Variants in PKP4 observed in about 807,000 individuals in gnomAD.
PKP4 encodes plakophilin 4.
A neutral mutation model predicts 145.1 loss-of-function variants in PKP4; 90 were observed. The ratio of observed to expected loss-of-function variants is 0.62; its 90% CI spans 0.52 to 0.74. The LOEUF (loss-of-function observed/expected upper bound fraction) is 0.74. Among genes scored for constraint, PKP4 ranks in the 30% least tolerant of loss-of-function variants. PKP4 has a pLI of 0.00. For synonymous variants in PKP4, 563 were observed against 577.2 expected (o/e 0.98, Z 0.35); for missense variants, 1,340 against 1,482.7 (o/e 0.90, Z 1.58).
chr2:158,526,334 G>A (rs769383631), intron 1 of PKP4, among the ~76,000 whole-genome samples: 15 of 129,640 alleles, frequency 1.2e-4, no homozygotes, highest in Admixed American at 6.7e-4. Context: ...TTCAATATAC[G>A]CAAATCAATA....
intron 1 of PKP4, among the ~76,000 whole-genome samples, chr2:158,470,505 G>A (rs547217273): frequency 2.0e-5 from 3 of 152,234 alleles, no homozygotes; most frequent in Non-Finnish European, 2.9e-5. Context: ...GAAAGAAAGC[G>A]CAGAGATCCT....
chr2:158,538,997 T>G (rs1476098247), intron 2 of PKP4, among the ~76,000 whole-genome samples: 1 of 152,198 alleles, frequency 6.6e-6, no homozygotes, highest in Admixed American at 6.5e-5. Context: ...TCTGGTGAGG[T>G]CTCAAGTTAG....
rs959175937 is a variant in PKP4 at position 158,602,569 on chromosome 2, T to C, written c.246-501T>C. 2.6e-5 allele frequency among the ~76,000 whole-genome samples: 4 copies of C among 152,352 alleles called. No homozygotes were observed. In the South Asian group the frequency reaches 6.2e-4, roughly 24 times the overall value. On this transcript the variant is annotated intron_variant, in intron 3 of 21. Coordinates refer to ENST00000389759, the MANE Select transcript of PKP4 (RefSeq NM_003628.6). ...AAAATACATAGCTGTCACTTTATCC[T>C]GGCTTATAGGACCTTATATTTTTGA... is the stretch of plus-strand genomic sequence containing the variant.
intron 3 of PKP4, among the ~76,000 whole-genome samples, chr2:158,598,995 T>TTAGA (rs2050003823): frequency 6.6e-6 from 1 of 152,094 alleles, no homozygotes; most frequent in Non-Finnish European, 1.5e-5. Flanking sequence ...CTGCAAGCAG[T>TTAGA]TAGAAATGCT....
chr2:158,527,239 T>C (rs75264832), intron 1 of PKP4, among the ~76,000 whole-genome samples: 54,236 of 139,662 alleles, frequency 0.39, 11,411 homozygotes, highest in East Asian at 0.67. Flanking sequence ...CAAACTATAC[T>C]ACAAGGCTAC....
intron 11 of PKP4, among the ~76,000 whole-genome samples, chr2:158,649,858 G>T (rs1034670987): frequency 6.6e-6 from 1 of 152,216 alleles, no homozygotes; most frequent in Non-Finnish European, 1.5e-5. Context: ...CAAATGCTTT[G>T]CAGTTTCTGA....
rs188698001 is a variant in PKP4, at chr2:158,563,423, G to A, written c.133-13848G>A. The stretch of plus-strand genomic sequence containing the variant: ...ATACATCAAGAAAAAATTTATTTCT[G>A]CATATTCTAGCATAGATGTCTTTTT... On this transcript the variant is annotated intron_variant, in intron 2 of 21. Coordinates refer to ENST00000389759, the MANE Select transcript of PKP4 (RefSeq NM_003628.6). 2.7e-3 allele frequency among the ~76,000 whole-genome samples: 404 copies of A among 152,134 alleles called. 2 individuals carry two copies. Among genetic ancestry groups the A allele is most frequent in the African/African-American group, 9.5e-3 (394 of 41,524 alleles).
At chr2:158,602,758 A>C (rs1021369371) in intron 3 of PKP4, among the ~76,000 whole-genome samples, 1 of 152,110 alleles carries the variant, frequency 6.6e-6, no homozygotes, top group Non-Finnish European at 1.5e-5. Flanking sequence ...TGTGGTTTTC[A>C]TATTATCACG....
At chr2:158,646,925 G>A (rs931308517) in intron 11 of PKP4, among the ~76,000 whole-genome samples, 1 of 152,016 alleles carries the variant, frequency 6.6e-6, no homozygotes, top group Admixed American at 6.6e-5. Flanking sequence ...AACTTGAAAA[G>A]GCAAAAAATA....
At chr2:158,459,990 T>C (rs1261757200) in intron 1 of PKP4, among the ~76,000 whole-genome samples, 1 of 152,142 alleles carries the variant, frequency 6.6e-6, no homozygotes, top group Non-Finnish European at 1.5e-5. Context: ...GTGCATTCCC[T>C]CCCCACCCCC....
intron 1 of PKP4, among the ~76,000 whole-genome samples, chr2:158,519,895 A>G: frequency 6.6e-6 from 1 of 152,138 alleles, no homozygotes; most frequent in East Asian, 1.9e-4. Flanking sequence ...TACCCTTAAC[A>G]TTCCAGGTAT....
chr2:158,496,759 C>CGT (rs58108158), intron 1 of PKP4, among the ~76,000 whole-genome samples: 17,014 of 144,812 alleles, frequency 0.12, 1,059 homozygotes, highest in Non-Finnish European at 0.14. Flanking sequence ...CTTCTCTCTC[C>CGT]GTGTGTGTGT....
chr2:158,630,448 T>C (rs1037175625), intron 7 of PKP4, among the ~76,000 whole-genome samples: 4 of 151,690 alleles, frequency 2.6e-5, no homozygotes, highest in Non-Finnish European at 5.9e-5. Flanking sequence ...TTGGGTTTGA[T>C]TTTTTTTAAA....
intron 1 of PKP4, among the ~76,000 whole-genome samples, chr2:158,509,118 G>A (rs1027972838): frequency 6.6e-6 from 1 of 151,996 alleles, no homozygotes; most frequent in African/African-American, 2.4e-5. Context: ...TGCATCTTGG[G>A]AACATCACAA....
At chr2:158,480,229 TTTAG>T (rs1226163005) in intron 1 of PKP4, among the ~76,000 whole-genome samples, 1 of 152,174 alleles carries the variant, frequency 6.6e-6, no homozygotes, top group African/African-American at 2.4e-5. Flanking sequence ...AATTTATTTA[TTTAG>T]TTATTTTTAT....
chr2:158,590,312 AGTGTGTGT>A (rs57003090), intron 3 of PKP4, among the ~76,000 whole-genome samples: 3,746 of 124,224 alleles, frequency 0.03, 125 homozygotes, highest in African/African-American at 0.091. Context: ...GAATGTCTTG[AGTGTGTGT>A]GTGTGTGTGT....
intron 4 of PKP4, among the ~76,000 whole-genome samples, chr2:158,613,866 T>C (rs1472090313): frequency 6.6e-6 from 1 of 152,202 alleles, no homozygotes; most frequent in Non-Finnish European, 1.5e-5. Context: ...GTAAATGACA[T>C]GAGAAAACCA....
chr2:158,492,374 T>G (rs1695067869), intron 1 of PKP4, among the ~76,000 whole-genome samples: 1 of 152,174 alleles, frequency 6.6e-6, no homozygotes, highest in Non-Finnish European at 1.5e-5. Context: ...GGAATCATCT[T>G]TGTCTTAATC....
rs189560783 is a variant in PKP4, at chr2:158,622,901, T to C, written c.603+1480T>C. Among the ~76,000 whole-genome samples, 60 of 152,348 alleles carry C rather than the reference T, an allele frequency of 3.9e-4. 1 individual carries two copies. The highest frequency in any genetic ancestry group is 1.3e-3 in the African/African-American group (55 of 41,592). ...GTCAGCAGGTCTGAAATCACACTTT[T>C]CAACAGCAGTTACCTTATATCTATA... On this transcript the variant is annotated intron_variant, in intron 6 of 21. Transcript: ENST00000389759.
Sources: gnomAD v4.1 joint callset for allele counts (sites outside exome capture counted in the v4.1 genomes callset) on GRCh38, gnomAD v4.1.1 for gene constraint, MANE v1.5 for transcripts, NCBI Gene and HGNC (gene_info 2026-07-23, HGNC 2026-07-21) for gene names.